PRKG1: variants seen among roughly 807,000 people sequenced by gnomAD.
PRKG1 encodes cGMP-dependent protein kinase 1.
Under a neutral mutation model 88.1 loss-of-function variants are expected in PRKG1, and 35 were observed. The observed-to-expected ratio is 0.40, with a 90% confidence interval of 0.30 to 0.53. The LOEUF (loss-of-function observed/expected upper bound fraction) is 0.53, where lower values mean the gene tolerates loss of function less well. Ranked by LOEUF, PRKG1 falls within the 20% of genes least tolerant of loss-of-function variation. The pLI, the probability that PRKG1 is intolerant of heterozygous loss-of-function variation, is 0.59. For synonymous variants in PRKG1, 303 were observed against 292.5 expected (o/e 1.04, Z -0.37); for missense variants, 540 against 839.8 (o/e 0.64, Z 4.41).
At chr10:51,257,990 C>T (rs1166736102) in intron 2 of PRKG1, among the ~76,000 whole-genome samples, 1 of 152,096 alleles carries the variant, frequency 6.6e-6, no homozygotes, top group African/African-American at 2.4e-5. Context: ...GGCTAACGAG[C>T]TAAAGCCTGG....
At chr10:52,265,142 A>G (rs1001912428) in intron 10 of PRKG1, among the ~76,000 whole-genome samples, 1 of 152,116 alleles carries the variant, frequency 6.6e-6, no homozygotes, top group Non-Finnish European at 1.5e-5. Context: ...ATTTTCTGAA[A>G]AGTGGTCTGA....
intron 2 of PRKG1, among the ~76,000 whole-genome samples, chr10:51,206,546 G>A (rs556372416): frequency 4.4e-4 from 66 of 151,044 alleles, no homozygotes; most frequent in African/African-American, 1.6e-3. Context: ...TCTTAAGCCA[G>A]AATGAAAACT....
chr10:51,464,981 A>G (rs534817326), intron 2 of PRKG1, among the ~76,000 whole-genome samples: 3 of 152,266 alleles, frequency 2.0e-5, no homozygotes, highest in African/African-American at 7.2e-5. Flanking sequence ...GGAGACTTAC[A>G]CAATTCTGGC....
intron 9 of PRKG1, among the ~76,000 whole-genome samples, chr10:52,162,676 A>G (rs1378500712): frequency 6.6e-6 from 1 of 152,158 alleles, no homozygotes; most frequent in Non-Finnish European, 1.5e-5. Flanking sequence ...TGATCTGTTG[A>G]TTTTGTAGTA....
At chr10:51,016,673 C>CTTTTTTTTTTTTTCTTTTTTTTTT (rs1843068029) in intron 1 of PRKG1, among the ~76,000 whole-genome samples, 1 of 35,184 alleles carries the variant, frequency 2.8e-5, no homozygotes, top group Non-Finnish European at 4.8e-5. Flanking sequence ...ATTATCCTTT[C>CTTTTTTTTTTTTTCTTTTTTTTTT]TTTTTTTTTT....
intron 3 of PRKG1, among the ~76,000 whole-genome samples, chr10:51,667,280 A>T (rs1181939943): frequency 6.6e-6 from 1 of 152,192 alleles, no homozygotes; most frequent in Non-Finnish European, 1.5e-5. Context: ...CTATGAAAGA[A>T]TGTCTTCTAC....
At chr10:51,715,560 C>T (rs1841865685) in intron 3 of PRKG1, among the ~76,000 whole-genome samples, 1 of 152,116 alleles carries the variant, frequency 6.6e-6, no homozygotes, top group African/African-American at 2.4e-5. Context: ...TGTAACTGTT[C>T]TATGGAATAG....
chr10:52,205,469 T>A (rs1417516777), intron 9 of PRKG1, among the ~76,000 whole-genome samples: 2 of 152,174 alleles, frequency 1.3e-5, no homozygotes, highest in African/African-American at 4.8e-5. Context: ...AGAACCCACG[T>A]TGAATTATTG....
chr10:52,277,634 T>C (rs967665873), intron 12 of PRKG1, among the ~76,000 whole-genome samples: 1 of 152,114 alleles, frequency 6.6e-6, no homozygotes, highest in Non-Finnish European at 1.5e-5. Flanking sequence ...GAACAAACAG[T>C]AAATGGAGTC....
At chr10:51,841,377 T>G (rs1027182643) in intron 4 of PRKG1, among the ~76,000 whole-genome samples, 1 of 152,062 alleles carries the variant, frequency 6.6e-6, no homozygotes, top group African/African-American at 2.4e-5. Flanking sequence ...AAACGAAAAA[T>G]TATAGTACAG....
chr10:51,406,979 A>G (rs932389260), intron 2 of PRKG1, among the ~76,000 whole-genome samples: 1 of 152,284 alleles, frequency 6.6e-6, no homozygotes. Context: ...TGAGGGCAGG[A>G]AGCATCCAGC....
Position 51,230,486 on chromosome 10 carries a change from C to T in PRKG1, c.478+77156C>T, listed in dbSNP as rs182285381. On this transcript the variant is annotated intron_variant, in intron 2 of 17. Coordinates refer to ENST00000373980, the MANE Select transcript of PRKG1 (RefSeq NM_006258.4). ...AAAACCTCATGAAATACAATATTACCCTCTTATGTGGTTGTAAGAATTAGA... is the reference window on the plus strand; with the variant it reads ...AAAACCTCATGAAATACAATATTACTCTCTTATGTGGTTGTAAGAATTAGA... Among the ~76,000 whole-genome samples, 6 of 151,970 alleles carry T rather than the reference C, an allele frequency of 3.9e-5. No individual in the cohort carries two copies. The East Asian group carries it at 1.2e-3, about 29-fold the overall frequency.
At chr10:52,202,019 C>T (rs1839683838) in intron 9 of PRKG1, among the ~76,000 whole-genome samples, 1 of 152,052 alleles carries the variant, frequency 6.6e-6, no homozygotes, top group African/African-American at 2.4e-5. Flanking sequence ...GTTTGACTTC[C>T]TCTCTTCCTA....
chr10:51,895,372 G>A (rs142583053), intron 4 of PRKG1, among the ~76,000 whole-genome samples: 98 of 152,254 alleles, frequency 6.4e-4, no homozygotes, highest in Middle Eastern at 6.8e-3. Flanking sequence ...AATCCCTTCT[G>A]GAGTAAGAAT....
intron 2 of PRKG1, among the ~76,000 whole-genome samples, chr10:51,247,829 TA>T: frequency 6.6e-6 from 1 of 152,048 alleles, no homozygotes; most frequent in Non-Finnish European, 1.5e-5. Flanking sequence ...CCCATTCTTT[TA>T]AAAACTAAAT....
At chr10:51,427,440 CA>C (rs1191172821) in intron 2 of PRKG1, among the ~76,000 whole-genome samples, 2 of 152,132 alleles carry the variant, frequency 1.3e-5, no homozygotes, top group Non-Finnish European at 2.9e-5. Flanking sequence ...ACAAAATCAC[CA>C]AAAGGCATGT....
intron 2 of PRKG1, among the ~76,000 whole-genome samples, chr10:51,285,681 G>A (rs960091395): frequency 2.0e-5 from 3 of 152,188 alleles, no homozygotes; most frequent in African/African-American, 7.2e-5. Context: ...AGGAGACTAA[G>A]GGGACAAATG....
chr10:51,251,930 A>T lies in PRKG1; in HGVS notation c.478+98600A>T, dbSNP rs117130500. Among the ~76,000 whole-genome samples, 906 of 151,992 alleles carry T rather than the reference A, an allele frequency of 6.0e-3. 6 individuals carry two copies. The highest frequency in any genetic ancestry group is 0.01 in the Admixed American group (158 of 15,224). The stretch of plus-strand genomic sequence containing the variant: ...TGAGACATTGATATAATCATAATTT[A>T]CTGCTGCTAGTAATAAATGAAGACT... On this transcript the variant is annotated intron_variant, in intron 2 of 17. Coordinates refer to ENST00000373980, the MANE Select transcript of PRKG1 (RefSeq NM_006258.4).
intron 4 of PRKG1, among the ~76,000 whole-genome samples, chr10:51,888,590 A>G (rs6480545): frequency 0.73 from 110,972 of 152,100 alleles, 40,697 homozygotes; most frequent in African/African-American, 0.79. Context: ...CCCTAGAGCA[A>G]AGGAGACAAA....
Sources: allele counts gnomAD v4.1 joint callset (sites outside exome capture counted in the v4.1 genomes callset), GRCh38; gene constraint gnomAD v4.1.1; transcripts MANE v1.5; gene names NCBI Gene and HGNC (gene_info 2026-07-23, HGNC 2026-07-21).